Variants in CRAMP1 observed in about 807,000 individuals in gnomAD.
CRAMP1 encodes the protein protein cramped-like.
Under a neutral mutation model 115.4 loss-of-function variants are expected in CRAMP1, and 50 were observed. The observed-to-expected ratio is 0.43, with a 90% CI of 0.35 to 0.55. The LOEUF (loss-of-function observed/expected upper bound fraction) is 0.55, where lower values mean the gene tolerates loss of function less well. Among genes scored for constraint, CRAMP1 ranks in the 20% least tolerant of loss-of-function variants. The pLI is 0.01. For synonymous variants in CRAMP1, 866 were observed against 745.4 expected, an observed-to-expected ratio of 1.16 and a Z score of -2.64; for missense variants, 1,679 against 1,721.7, an observed-to-expected ratio of 0.98 and a Z score of 0.44.
rs78105022 is a variant in CRAMP1 at position 1,626,274 on chromosome 16, C to T, written c.540+108C>T. ...GCTGTTAGATTCTAGAACGCAGATTCCTGGGCGACCCCCGCAGTGGCGGAG... is the reference window on the plus strand; with the variant it reads ...GCTGTTAGATTCTAGAACGCAGATTTCTGGGCGACCCCCGCAGTGGCGGAG... On this transcript the variant is annotated intron_variant, in intron 3 of 20. Coordinates refer to ENST00000397412, the MANE Select transcript of CRAMP1 (RefSeq NM_020825.4). The T allele has an allele frequency of 6.9e-5, 75 of 1,090,602 alleles. 1 individual carries two copies. In the East Asian group the frequency reaches 1.9e-3, roughly 28 times the overall value. The allele number at this position is 1,090,602 out of a possible 1,614,324, so 67.6% of individuals were successfully genotyped here.
intron 10 of CRAMP1, among the ~76,000 whole-genome samples, chr16:1,659,333 G>A (rs1302896678): frequency 3.9e-5 from 6 of 152,148 alleles, no homozygotes; most frequent in Non-Finnish European, 7.4e-5. Context: ...TGTGAGGAAG[G>A]GAGTGGTTTT....
At chr16:1,618,645 G>A (rs971643655) in intron 2 of CRAMP1, among the ~76,000 whole-genome samples, 1 of 151,980 alleles carries the variant, frequency 6.6e-6, no homozygotes, top group Non-Finnish European at 1.5e-5. Context: ...GTAGGAATCG[G>A]TAAACGACTG....
rs74333856 is a variant in CRAMP1 at position 1,660,128 on chromosome 16, G to A, written c.2413+65G>A. ...CCTGATGGCACCTCAGGCTTCAGGG[G>A]CCGTGCCGAAGCTGAGAGCACAGGT... is the stretch of plus-strand genomic sequence containing the variant. On this transcript the variant is annotated intron_variant, in intron 11 of 20. Transcript: ENST00000397412. The A allele has an allele frequency of 3.6e-3, 4,979 of 1,374,648 alleles. 165 individuals carry two copies. In the African/African-American group the frequency reaches 0.063, roughly 17 times the overall value. 85.2% of individuals were successfully genotyped at this position (1,374,648 alleles called of 1,614,324 possible).
Position 1,655,285 on chromosome 16 carries a change from C to T in CRAMP1, c.1104C>T (p.Leu368=), listed in dbSNP as rs373335359. 380 of 1,613,796 alleles carry T rather than the reference C, an allele frequency of 2.4e-4. 6 individuals carry two copies. In the Admixed American group the frequency reaches 6.1e-3, roughly 26 times the overall value. The change falls in exon 9 of 21, where the codon CTC becomes CTT. Residue 368 remains leucine, a synonymous_variant. Coordinates refer to ENST00000397412, the MANE Select transcript of CRAMP1 (RefSeq NM_020825.4). ...LIEFLKQKWA[L]HEVRVRKTLE... ...AATTCTTGAAGCAGAAGTGGGCGCT[C>T]CATGAGGTGCGAGTTGTATCCTTTT... is the stretch of plus-strand genomic sequence containing the variant.
At chr16:1,668,356 G>A (rs972106062) in intron 18 of CRAMP1, among the ~76,000 whole-genome samples, 163 bp downstream of exon 18, 3 of 152,230 alleles carry the variant, frequency 2.0e-5, no homozygotes, top group Admixed American at 1.3e-4. Flanking sequence ...CCTTGCAGGT[G>A]GATAAGGTAC....
chr16:1,665,204 A>G, intron 14 of CRAMP1, 66 bp downstream of exon 14: 1 of 979,062 alleles, frequency 1.0e-6, no homozygotes, highest in Non-Finnish European at 1.7e-6. Context: ...TTGGCTTTGG[A>G]GACAATGGGT....
rs183769316 is a variant in CRAMP1, at chr16:1,656,363, C to T, written c.1606C>T (p.Arg536Trp). The T allele has an allele frequency of 5.1e-5, 82 of 1,602,718 alleles. No homozygotes were observed. In the East Asian group the frequency reaches 9.5e-4, roughly 19 times the overall value. Residue 536 changes from arginine to tryptophan, a missense_variant, in exon 10 of 21, where the codon CGG becomes TGG. Physicochemically the swap from Arg to Trp is moderately radical, Grantham distance 101. Coordinates refer to ENST00000397412, the MANE Select transcript of CRAMP1 (RefSeq NM_020825.4). The surrounding 1 kb of genome is among the most constrained non-coding windows in gnomAD (Gnocchi z 5.6). ...TGCAGAAGGCAGGGACAGTCCCACC[C>T]GGGAGCCAGGGGCCTTGCCGTGTGC... is the stretch of plus-strand genomic sequence containing the variant. ...TPAEGRDSPTREPGALPCACG... is the reference protein window; with the variant it reads ...TPAEGRDSPTWEPGALPCACG...
intron 8 of CRAMP1, among the ~76,000 whole-genome samples, chr16:1,654,665 C>G (rs1445871605): frequency 2.0e-5 from 3 of 152,198 alleles, no homozygotes; most frequent in Non-Finnish European, 4.4e-5. Context: ...CATTCTCACC[C>G]TCCCACGGCC....
intron 6 of CRAMP1, among the ~76,000 whole-genome samples, chr16:1,648,419 C>A (rs2036694743): frequency 6.6e-6 from 1 of 151,580 alleles, no homozygotes; most frequent in African/African-American, 2.4e-5. Flanking sequence ...GCCTGGCCAA[C>A]ATGGAGAAAC....
At chr16:1,650,049 C>T (rs1432779054) in intron 6 of CRAMP1, among the ~76,000 whole-genome samples, 2 of 152,188 alleles carry the variant, frequency 1.3e-5, no homozygotes, top group Non-Finnish European at 2.9e-5. Flanking sequence ...CCACCTTGGC[C>T]TCCCAAAGTG....
intron 2 of CRAMP1, 87 bp downstream of exon 2, chr16:1,615,072 C>T: frequency 2.7e-6 from 2 of 743,508 alleles, no homozygotes; most frequent in Non-Finnish European, 3.7e-6. Context: ...AGCCGGGCTC[C>T]ACCCTAGCTC....
In CRAMP1 at chr16:1,666,019, G is replaced by T; in HGVS notation, c.2753-54G>T. On this transcript the variant is annotated intron_variant, in intron 14 of 20. Coordinates refer to ENST00000397412, the MANE Select transcript of CRAMP1 (RefSeq NM_020825.4). The surrounding 1 kb of genome is among the most constrained non-coding windows in gnomAD (Gnocchi z 5.0). ...AAGCCCCCTGCGGCCACATCCTGCT[G>T]TGAGGGCATGGCGGGCGGGCTCGAC... The T allele has an allele frequency of 8.1e-7, 1 of 1,240,744 alleles. No individual in the cohort carries two copies. The highest frequency in any genetic ancestry group is 1.2e-6 in the Non-Finnish European group (1 of 862,560). The allele number at this position is 1,240,744 out of a possible 1,614,324, so 76.9% of individuals were successfully genotyped here.
chr16:1,659,548 C>G (rs542749398), intron 10 of CRAMP1, among the ~76,000 whole-genome samples: 4 of 152,194 alleles, frequency 2.6e-5, no homozygotes, highest in South Asian at 2.1e-4. Flanking sequence ...CCACCACACC[C>G]GGCTAATTTT....
intron 6 of CRAMP1, among the ~76,000 whole-genome samples, chr16:1,645,879 G>A (rs1347650675): frequency 6.7e-6 from 1 of 150,180 alleles, no homozygotes; most frequent in Non-Finnish European, 1.5e-5. Flanking sequence ...TTGTGTAGCT[G>A]CCACCACTGT....
Position 1,652,600 on chromosome 16 carries a change from C to T in CRAMP1, c.913+19C>T, listed in dbSNP as rs1473832116. 3.9e-6 allele frequency: 6 copies of T among 1,548,870 alleles called. No homozygotes were observed. Among genetic ancestry groups the T allele is most frequent in the Non-Finnish European group, 5.2e-6 (6 of 1,144,522 alleles). ...CCAGATGGTAAGTGAATGGGGCGCT[C>T]CCGGGACCAGAGGCGGTGCCCATGG... On this transcript the variant is annotated intron_variant, in intron 7 of 20. Coordinates refer to ENST00000397412, the MANE Select transcript of CRAMP1 (RefSeq NM_020825.4).
intron 4 of CRAMP1, among the ~76,000 whole-genome samples, chr16:1,637,549 G>C (rs537249788): frequency 7.9e-5 from 12 of 152,342 alleles, no homozygotes; most frequent in African/African-American, 2.6e-4. Flanking sequence ...CAGCTGTTCT[G>C]AGTGTTGTGT....
chr16:1,674,692 G>T lies in CRAMP1; in HGVS notation c.*647G>T, dbSNP rs2294444. The stretch of plus-strand genomic sequence containing the variant: ...TTCGTACTCTTAACAGGGAGTGGGG[G>T]CAGGAAGAGTCCTGTACTATGCAGG... On this transcript the variant is annotated 3_prime_UTR_variant, in exon 21 of 21. Coordinates refer to ENST00000397412, the MANE Select transcript of CRAMP1 (RefSeq NM_020825.4). The T allele has an allele frequency of 0.64, 98,447 of 154,264 alleles. 34,068 individuals carry two copies. The highest frequency in any genetic ancestry group is 0.79 in the Non-Finnish European group (54,757 of 69,464). 9.6% of individuals were successfully genotyped at this position (154,264 alleles called of 1,614,324 possible).
intron 9 of CRAMP1, 112 bp downstream of exon 9, chr16:1,655,412 C>T (rs576860519): frequency 5.8e-6 from 5 of 858,514 alleles, no homozygotes; most frequent in Non-Finnish European, 9.9e-6. Flanking sequence ...GGCAGAACAG[C>T]CATGCTGTGA....
rs575358825 is a variant in CRAMP1, at chr16:1,629,886, G to C, written c.541-2326G>C. On this transcript the variant is annotated intron_variant, in intron 3 of 20. Transcript: ENST00000397412. ...TTCCAGCCCCACCCGCCAGCCCACAGCAGCTTCTGTCTTCACCTCCCTCAG... is the reference window on the plus strand; with the variant it reads ...TTCCAGCCCCACCCGCCAGCCCACACCAGCTTCTGTCTTCACCTCCCTCAG... Among the ~76,000 whole-genome samples, 4 of 152,248 alleles carry C rather than the reference G, an allele frequency of 2.6e-5. No homozygotes were observed. The South Asian group carries it at 8.3e-4, about 32-fold the overall frequency.
Sources: gnomAD v4.1 joint callset for allele counts (sites outside exome capture counted in the v4.1 genomes callset) on GRCh38, gnomAD v4.1.1 for gene constraint, Gnocchi (gnomAD v3.1) non-coding constraint, MANE v1.5 for transcripts, NCBI Gene and HGNC (gene_info 2026-07-23, HGNC 2026-07-21) for gene names.